The following PFKFB3 variants were observed in gnomAD, a reference collection of about 807,000 sequenced individuals.
PFKFB3 encodes 6-phosphofructo-2-kinase/fructose-2,6-bisphosphatase 3.
Under a neutral mutation model 68.0 loss-of-function variants are expected in PFKFB3, and 33 were observed. The ratio of observed to expected loss-of-function variants is 0.49; its 90% CI spans 0.37 to 0.65. The LOEUF (loss-of-function observed/expected upper bound fraction) is 0.65, where lower values mean the gene tolerates loss of function less well. PFKFB3 is among the 30% of genes least tolerant of loss of function. The probability of loss-of-function intolerance (pLI) is 0.00; values close to 1 mark genes in which losing one functional copy is unlikely to be tolerated. For missense variants in PFKFB3, 586 were observed against 712.2 expected (o/e 0.82, Z 2.02); for synonymous variants, 315 against 288.2 (o/e 1.09, Z -0.94).
chr10:6,204,463 G>C (rs1438516877), intron 1 of PFKFB3, among the ~76,000 whole-genome samples: 1 of 152,368 alleles, frequency 6.6e-6, no homozygotes, highest in East Asian at 1.9e-4. Flanking sequence ...CAGCTCTCCT[G>C]GAGCCCTGCT....
intron 14 of PFKFB3, chr10:6,231,473 AC>A (rs1845738676): frequency 4.1e-6 from 4 of 984,404 alleles, no homozygotes; most frequent in South Asian, 4.7e-5. Context: ...TCTGTCTCTC[AC>A]CCCCCACGTG....
At chr10:6,292,967 T>C in the PFKFB3 span, 2 of 199,714 alleles carry the variant, frequency 1.0e-5, no homozygotes, top group Non-Finnish European at 2.0e-5. Context: ...CCAGCCATAA[T>C]GTGAGATGGA....
downstream of PFKFB3, among the ~76,000 whole-genome samples, chr10:6,255,998 C>T (rs1846490081): frequency 6.6e-6 from 1 of 152,166 alleles, no homozygotes; most frequent in Non-Finnish European, 1.5e-5. Flanking sequence ...AGCCCCAGGC[C>T]AGGAACAAGG....
intron 14 of PFKFB3, 31 bp downstream of exon 14, chr10:6,226,396 G>C (rs1845354605): frequency 6.3e-7 from 1 of 1,575,036 alleles, no homozygotes; most frequent in African/African-American, 1.4e-5. Flanking sequence ...TTCCTGCCTG[G>C]GGGACGCATG....
intron 1 of PFKFB3, among the ~76,000 whole-genome samples, chr10:6,182,541 T>A (rs899380098): frequency 3.3e-5 from 5 of 152,210 alleles, no homozygotes; most frequent in Non-Finnish European, 5.9e-5. Flanking sequence ...AGGCCAGGTC[T>A]CCACGCCAGC....
At chr10:6,173,261 T>G (rs657600) in intron 1 of PFKFB3, among the ~76,000 whole-genome samples, 1 of 152,042 alleles carries the variant, frequency 6.6e-6, no homozygotes, top group Non-Finnish European at 1.5e-5. Flanking sequence ...GTGGTCATGT[T>G]TGTGTTTGCC....
chr10:6,195,322 C>T (rs968842056), intron 1 of PFKFB3, among the ~76,000 whole-genome samples: 3 of 152,166 alleles, frequency 2.0e-5, no homozygotes, highest in Non-Finnish European at 2.9e-5. Flanking sequence ...GCTGTTCCAT[C>T]GGGTTTATCT....
intron 1 of PFKFB3, among the ~76,000 whole-genome samples, chr10:6,193,809 T>C (rs957767185): frequency 6.6e-6 from 1 of 151,318 alleles, no homozygotes; most frequent in African/African-American, 2.4e-5. Flanking sequence ...TTCTTAAGGG[T>C]GGGGGAGATT....
intron 1 of PFKFB3, among the ~76,000 whole-genome samples, chr10:6,155,766 C>T (rs939644607): frequency 8.5e-5 from 13 of 152,170 alleles, no homozygotes; most frequent in Non-Finnish European, 1.8e-4. Context: ...CTACCTCCAG[C>T]TAACCCTCGT....
Position 6,203,186 on chromosome 10 carries a change from G to C in PFKFB3, c.-75G>C. 1 of 1,561,498 alleles carries C rather than the reference G, an allele frequency of 6.4e-7. No individual in the cohort carries two copies. The highest frequency in any genetic ancestry group is 8.7e-7 in the Non-Finnish European group (1 of 1,154,670). On this transcript the variant is annotated 5_prime_UTR_variant, in exon 1 of 15. Transcript: ENST00000379775. Reference sequence around the variant, plus strand: ...CGCCCCCCTCTCCTCCTTTGTTCCGGGGGTCGGCGGCCGCTCTCCTGCCAG... The same window carrying C: ...CGCCCCCCTCTCCTCCTTTGTTCCGCGGGTCGGCGGCCGCTCTCCTGCCAG...
chr10:6,151,922 G>A (rs78817847), intron 1 of PFKFB3, among the ~76,000 whole-genome samples: 19 of 150,718 alleles, frequency 1.3e-4, no homozygotes, highest in Admixed American at 1.2e-3. Context: ...GGACAGAACC[G>A]CCCTCCTGCA....
chr10:6,256,643 TG>T (rs1435349859), downstream of PFKFB3, among the ~76,000 whole-genome samples: 1 of 152,226 alleles, frequency 6.6e-6, no homozygotes, highest in Non-Finnish European at 1.5e-5. Context: ...AAATGAGGCG[TG>T]GCTCCTCCCA....
intron 1 of PFKFB3, chr10:6,163,698 C>A (rs1249772907): frequency 1.0e-5 from 1 of 95,618 alleles, no homozygotes; most frequent in Non-Finnish European, 2.0e-5. Flanking sequence ...GTGGCGGGAC[C>A]GGCGGGGGCG....
At chr10:6,250,108 T>C (rs529976230) in intron 14 of PFKFB3, among the ~76,000 whole-genome samples, 6 of 152,322 alleles carry the variant, frequency 3.9e-5, no homozygotes, top group African/African-American at 1.4e-4. Context: ...GAAAGTGTTA[T>C]GTTGGGTGCT....
chr10:6,146,310 G>C, intron 1 of PFKFB3: 1 of 1,518,432 alleles, frequency 6.6e-7, no homozygotes, highest in African/African-American at 1.4e-5. Flanking sequence ...AGGGTGCCTA[G>C]GTATCAGCGT....
the PFKFB3 span, chr10:6,293,172 TA>T: frequency 2.1e-6 from 1 of 467,736 alleles, no homozygotes; most frequent in South Asian, 1.7e-5. Context: ...TGTTCAAAGA[TA>T]AAAGAAGACA....
chr10:6,256,548 G>A (rs976233693), downstream of PFKFB3, among the ~76,000 whole-genome samples: 5 of 152,214 alleles, frequency 3.3e-5, no homozygotes, highest in Non-Finnish European at 7.3e-5. Context: ...CCATGTGCAT[G>A]GAGATGGCAG....
At chr10:6,146,251 G>T in intron 1 of PFKFB3, 2 of 1,454,978 alleles carry the variant, frequency 1.4e-6, no homozygotes. Context: ...CACGGCCAGC[G>T]TGATGCTACG....
At chr10:6,201,163 C>A (rs1332913139), upstream of PFKFB3, among the ~76,000 whole-genome samples, 1 of 152,130 alleles carries the variant, frequency 6.6e-6, no homozygotes, top group African/African-American at 2.4e-5. The surrounding 1 kb of genome is among the most constrained non-coding windows in gnomAD (Gnocchi z 4.1). Flanking sequence ...CCCCGCGAAC[C>A]CCAGGGCGGG....
Sources: allele counts gnomAD v4.1 joint callset (sites outside exome capture counted in the v4.1 genomes callset), GRCh38; gene constraint gnomAD v4.1.1; non-coding constraint Gnocchi (gnomAD v3.1); transcripts MANE v1.5; gene names NCBI Gene and HGNC (gene_info 2026-07-23, HGNC 2026-07-21).